The following DAPK2 variants were observed in gnomAD, a reference collection of about 807,000 sequenced individuals.
DAPK2 encodes the protein death associated protein kinase 2.
DAPK2 carries 35 observed loss-of-function variants against 44.1 expected under a neutral mutation model. That is an observed-to-expected ratio of 0.79 (90% CI 0.61 to 1.05). The LOEUF is 1.05. DAPK2 is among the 50% of genes least tolerant of loss of function. The pLI is 0.00. For synonymous variants in DAPK2, 174 were observed against 182.6 expected, an observed-to-expected ratio of 0.95 and a Z score of 0.38; for missense variants, 453 against 483.2, an observed-to-expected ratio of 0.94 and a Z score of 0.59.
intron 3 of DAPK2, among the ~76,000 whole-genome samples, chr15:63,947,536 C>T (rs1242833828): frequency 1.3e-5 from 2 of 152,190 alleles, no homozygotes; most frequent in South Asian, 2.1e-4. Flanking sequence ...AATCTGGGTT[C>T]GGATCCCAGC....
chr15:63,930,423 G>C (rs773406301), exon 5 of DAPK2: 1 of 1,614,230 alleles, frequency 6.2e-7, no homozygotes, highest in South Asian at 1.1e-5. Context: ...TCAGCCTCCA[G>C]ACCCAGGGGC....
intron 1 of DAPK2, among the ~76,000 whole-genome samples, chr15:64,019,323 C>A (rs2079619421): frequency 6.6e-6 from 1 of 152,250 alleles, no homozygotes; most frequent in Non-Finnish European, 1.5e-5. Flanking sequence ...TTTCCCACCA[C>A]ATCTGCTTTT....
chr15:63,913,249 G>T (rs1424504623), intron 8 of DAPK2, among the ~76,000 whole-genome samples: 1 of 152,164 alleles, frequency 6.6e-6, no homozygotes, highest in African/African-American at 2.4e-5. Context: ...TCTTCCTGGG[G>T]TAATGTAAAT....
intron 10 of DAPK2, chr15:63,911,560 G>A: frequency 3.3e-6 from 1 of 300,232 alleles, no homozygotes; most frequent in Non-Finnish European, 6.2e-6. Flanking sequence ...AGAATGTAAA[G>A]CTCCCATTCT....
chr15:63,912,419 GAC>G lies in DAPK2; in HGVS notation c.859-224_859-223del, dbSNP rs370099103. Reference sequence around the variant, plus strand: ...CTCTCAGCTATTATTACCACAGCCTGACACACACACAGCCTTGGCTGGAGGCT... The same window carrying G: ...CTCTCAGCTATTATTACCACAGCCTGACACACACAGCCTTGGCTGGAGGCT... On this transcript the variant is annotated intron_variant, in intron 8 of 10. Coordinates refer to ENST00000261891, the Ensembl canonical transcript of DAPK2. The surrounding 1 kb of genome is among the most constrained non-coding windows in gnomAD (Gnocchi z 4.4). 1.7e-4 allele frequency among the ~76,000 whole-genome samples: 26 copies of G among 152,342 alleles called. No homozygotes were observed. Among genetic ancestry groups the G allele is most frequent in the African/African-American group, 6.3e-4 (26 of 41,576 alleles).
intron 1 of DAPK2, among the ~76,000 whole-genome samples, chr15:64,009,169 C>T (rs2079318744): frequency 6.6e-6 from 1 of 152,002 alleles, no homozygotes; most frequent in African/African-American, 2.4e-5. Flanking sequence ...AGCCTTGTAC[C>T]CCCAGGCACC....
upstream of DAPK2, among the ~76,000 whole-genome samples, chr15:64,043,205 G>T (rs1567294490): frequency 6.6e-6 from 1 of 152,190 alleles, no homozygotes. Flanking sequence ...GCTGGGAGGG[G>T]TATACACTGG....
intron 5 of DAPK2, 112 bp from the exon 7 acceptor site, chr15:63,929,689 C>T (rs762770196): frequency 7.9e-7 from 1 of 1,263,566 alleles, no homozygotes; most frequent in Admixed American, 1.8e-5. Context: ...CCACAGCAGA[C>T]CCTGGATGCC....
intron 1 of DAPK2, among the ~76,000 whole-genome samples, chr15:63,988,135 C>T (rs1392055253): frequency 2.0e-5 from 3 of 152,182 alleles, no homozygotes; most frequent in Non-Finnish European, 2.9e-5. Flanking sequence ...ACACACCCCT[C>T]TTCCCAGGCA....
At chr15:63,951,507 C>A (rs892942757) in intron 3 of DAPK2, among the ~76,000 whole-genome samples, 1 of 152,140 alleles carries the variant, frequency 6.6e-6, no homozygotes, top group Non-Finnish European at 1.5e-5. Flanking sequence ...GGTGGATGTA[C>A]AACACACACC....
At chr15:63,940,761 G>T (rs1185527357) in intron 3 of DAPK2, among the ~76,000 whole-genome samples, 1 of 151,986 alleles carries the variant, frequency 6.6e-6, no homozygotes, top group Non-Finnish European at 1.5e-5. Flanking sequence ...AAAAAGGAAT[G>T]AAGTACTGAT....
At chr15:64,029,741 A>G (rs1418183148) in intron 1 of DAPK2, 2 of 152,324 alleles carry the variant, frequency 1.3e-5, no homozygotes, top group African/African-American at 4.8e-5. Context: ...AGACATGCAC[A>G]TACTCATAAG....
At chr15:63,950,961 C>T (rs978720636) in intron 3 of DAPK2, among the ~76,000 whole-genome samples, 2 of 152,152 alleles carry the variant, frequency 1.3e-5, no homozygotes, top group Non-Finnish European at 2.9e-5. Flanking sequence ...AAGGACAGCT[C>T]GCAGAATGAC....
intron 3 of DAPK2, among the ~76,000 whole-genome samples, chr15:63,941,364 C>A (rs6494454): frequency 0.57 from 87,324 of 152,066 alleles, 25,605 homozygotes; most frequent in East Asian, 0.94. Flanking sequence ...TCTTGTCCAG[C>A]GGCCCTTTGC....
At chr15:64,015,935 A>G (rs994968212) in intron 1 of DAPK2, among the ~76,000 whole-genome samples, 8 of 152,190 alleles carry the variant, frequency 5.3e-5, no homozygotes, top group Admixed American at 3.3e-4. Context: ...GAATAAATTT[A>G]TGTTGTTTGA....
intron 8 of DAPK2, chr15:63,918,181 A>C (rs922724966): frequency 6.6e-5 from 10 of 152,288 alleles, no homozygotes; most frequent in Non-Finnish European, 1.3e-4. Flanking sequence ...GGGCCGGGCC[A>C]CCTGTGCTGC....
intron 1 of DAPK2, among the ~76,000 whole-genome samples, chr15:64,006,195 T>C (rs1330974516): frequency 2.0e-5 from 3 of 152,058 alleles, no homozygotes; most frequent in Non-Finnish European, 2.9e-5. Flanking sequence ...ACCACACTGG[T>C]CCATCCAGCT....
chr15:63,922,220 A>G, intron 8 of DAPK2: 1 of 931,270 alleles, frequency 1.1e-6, no homozygotes, highest in Non-Finnish European at 1.3e-6. Flanking sequence ...TTTGTCAGAC[A>G]TGAGTGCTTG....
At chr15:64,031,389 C>T (rs1334709188) in intron 1 of DAPK2, among the ~76,000 whole-genome samples, 4 of 151,998 alleles carry the variant, frequency 2.6e-5, no homozygotes, top group African/African-American at 7.3e-5. Context: ...TGTGCCACCA[C>T]ACTTGGCTAA....
Sources: gnomAD v4.1 joint callset for allele counts (sites outside exome capture counted in the v4.1 genomes callset) on GRCh38, gnomAD v4.1.1 for gene constraint, Gnocchi (gnomAD v3.1) non-coding constraint, MANE v1.5 for transcripts, NCBI Gene and HGNC (gene_info 2026-07-23, HGNC 2026-07-21) for gene names.